PABPN1: variants seen among roughly 807,000 people sequenced by gnomAD.
PABPN1 encodes poly(A) binding protein nuclear 1.
PABPN1 carries 5 observed loss-of-function variants against 33.4 expected under a neutral mutation model. The observed-to-expected ratio is 0.15, with a 90% confidence interval of 0.08 to 0.32. The LOEUF is 0.32. Among genes scored for constraint, PABPN1 ranks in the 10% least tolerant of loss-of-function variants. The pLI, the probability that PABPN1 is intolerant of heterozygous loss-of-function variation, is 1.00. For missense variants in PABPN1, 312 were observed against 425.8 expected, an observed-to-expected ratio of 0.73 and a Z score of 2.35; for synonymous variants, 176 against 170.6, an observed-to-expected ratio of 1.03 and a Z score of -0.25.
At chr14:23,324,114 A>G (rs1566469326) in intron 5 of PABPN1, 24 bp from the exon 6 acceptor site, 2 of 1,614,192 alleles carry the variant, frequency 1.2e-6, no homozygotes, top group Non-Finnish European at 1.7e-6. Flanking sequence ...CTTTAAGGCT[A>G]TCATTTGTTC....
chr14:23,321,927 G>GGGGGGGGGGGGGGGGGGCA, intron 1 of PABPN1, 107 bp downstream of exon 1: 1 of 458,120 alleles, frequency 2.2e-6, no homozygotes, highest in Non-Finnish European at 4.0e-6. Context: ...GTTGGGCGGG[G>GGGGGGGGGGGGGGGGGGCA]AATAACGTGG....
Position 23,323,006 on chromosome 14 carries a change from G to C in PABPN1, c.474G>C (p.Pro158=). ...ATTATTTTTTCCTGATAGCTGGCCC[G>C]GTGATCATGTCCATTGAGGAGAAGA... The part of the protein sequence containing the change: ...NMSPPPGNAG[P]VIMSIEEKME... Residue 158 remains proline (P), a synonymous_variant, in exon 3 of 7, where the codon CCG becomes CCC. Coordinates refer to ENST00000216727, the MANE Select transcript of PABPN1 (RefSeq NM_004643.4). The C allele has an allele frequency of 6.2e-7, 1 of 1,614,056 alleles. No individual in the cohort carries two copies. The highest frequency in any genetic ancestry group is 8.5e-7 in the Non-Finnish European group (1 of 1,180,006).
chr14:23,324,478 T>A, intron 6 of PABPN1, 189 bp downstream of exon 6: 1 of 706,736 alleles, frequency 1.4e-6, no homozygotes, highest in Admixed American at 2.4e-5. Flanking sequence ...TCATCTTTTC[T>A]GCAGTAGAAA....
In PABPN1 at chr14:23,325,254, G is replaced by A. The variant is rs200293075; in HGVS notation, c.889G>A (p.Ala297Thr). 1 of 1,612,874 alleles carries A rather than the reference G, an allele frequency of 6.2e-7. No individual in the cohort carries two copies. The highest frequency in any genetic ancestry group is 8.5e-7 in the Non-Finnish European group (1 of 1,179,848). The change falls in exon 7 of 7, where the codon GCT becomes ACT. Residue 297 changes from alanine to threonine, a missense_variant. Coordinates refer to ENST00000216727, the MANE Select transcript of PABPN1 (RefSeq NM_004643.4). ...TCTCCTTCTTTCTTCCAGGGGCCGGGCTAGAGCGACATCATGGTATTCCCC... is the reference window on the plus strand; with the variant it reads ...TCTCCTTCTTTCTTCCAGGGGCCGGACTAGAGCGACATCATGGTATTCCCC... ...RPRGRVYRGR[A>T]RATSWYSPY
At position 23,325,577 on chromosome 14, in the gene PABPN1, G is replaced by C. The variant is rs1888690600; in HGVS notation, c.*291G>C. 2.9e-5 allele frequency: 12 copies of C among 409,004 alleles called. 1 individual carries two copies. The South Asian group carries it at 3.9e-4, about 13-fold the overall frequency. 25.3% of individuals were successfully genotyped at this position (409,004 alleles called of 1,614,324 possible). On this transcript the variant is annotated 3_prime_UTR_variant, in exon 7 of 7. Coordinates refer to ENST00000216727, the MANE Select transcript of PABPN1 (RefSeq NM_004643.4). ...CGCAAGCTGCTGCCCATGTTTCCCT[G>C]CCCCACTTCACCCCCTTGGGGGCTG...
rs182620653 is a variant in PABPN1 at position 23,324,751 on chromosome 14, C to T, written c.881+462C>T. On this transcript the variant is annotated intron_variant, in intron 6 of 6. Transcript: ENST00000216727. ...AGCCTTGTGGGAGGATTTTGAGATA[C>T]TTATTCTTTATTTGAGCCAGTCTTG... is the stretch of plus-strand genomic sequence containing the variant. 3.2e-3 allele frequency: 880 copies of T among 271,040 alleles called. 3 individuals are homozygous for T. The highest frequency in any genetic ancestry group is 9.4e-3 in the Middle Eastern group (7 of 748). 16.8% of individuals were successfully genotyped at this position (271,040 alleles called of 1,614,324 possible).
Position 23,326,105 on chromosome 14 carries a change from A to G in PABPN1, c.*819A>G, listed in dbSNP as rs1419936775. The G allele has an allele frequency of 1.3e-5, 2 of 150,188 alleles. No individual in the cohort carries two copies. The highest frequency in any genetic ancestry group is 4.9e-5 in the African/African-American group (2 of 40,594). The allele number at this position is 150,188 out of a possible 1,614,324, so 9.3% of individuals were successfully genotyped here. ...TTGTTTATTTTTTTAGCTCATTTCC[A>G]GGGGTGGGAATTTTTTTTTAATATG... On this transcript the variant is annotated 3_prime_UTR_variant, in exon 7 of 7. Transcript: ENST00000216727.
At chr14:23,324,112 C>T (rs1474880279) in intron 5 of PABPN1, 26 bp from the exon 6 acceptor site, 1 of 1,614,068 alleles carries the variant, frequency 6.2e-7, no homozygotes, top group Non-Finnish European at 8.5e-7. Context: ...GCCTTTAAGG[C>T]TATCATTTGT....
Position 23,325,361 on chromosome 14 carries a change from AAAG to A in PABPN1, c.*78_*80del. ...AAAAAAAAAGAATTAAAAAAAAAAA[AAAG>A]AAAAACAGAAGATGACCTTGATGGA... On this transcript the variant is annotated 3_prime_UTR_variant, in exon 7 of 7. Coordinates refer to ENST00000216727, the MANE Select transcript of PABPN1 (RefSeq NM_004643.4). 10 of 1,509,706 alleles carry A rather than the reference AAAG, an allele frequency of 6.6e-6. No individual in the cohort carries two copies. The highest frequency in any genetic ancestry group is 8.9e-6 in the Non-Finnish European group (10 of 1,125,922). The allele number at this position is 1,509,706 out of a possible 1,614,324, so 93.5% of individuals were successfully genotyped here.
At chr14:23,321,944 CCGGGT>C (rs1198291138) in intron 1 of PABPN1, 124 bp downstream of exon 1, 4 of 763,930 alleles carry the variant, frequency 5.2e-6, no homozygotes, top group Non-Finnish European at 8.2e-6. Context: ...GTGGCTGGGG[CCGGGT>C]CGGGCCGGGG....
At chr14:23,323,545 T>C in intron 4 of PABPN1, 62 bp downstream of exon 4, 1 of 1,460,824 alleles carries the variant, frequency 6.8e-7, no homozygotes, top group Non-Finnish European at 9.6e-7. Flanking sequence ...ATAAATTATG[T>C]TTTATATTGA....
Position 23,324,274 on chromosome 14 carries a change from G to A in PABPN1, c.866G>A (p.Arg289Gln), listed in dbSNP as rs760957465. 3 of 1,612,988 alleles carry A rather than the reference G, an allele frequency of 1.9e-6. No individual in the cohort carries two copies. Among genetic ancestry groups the A allele is most frequent in the African/African-American group, 1.3e-5 (1 of 74,906 alleles). ...TACAGTGGTTTTAACAGCAGGCCCC[G>A]GGGTCGCGTCTACAGGTCAGGATAG... ...RFYSGFNSRP[R>Q]GRVYRGRARA... is the part of the protein sequence containing the mutation. The change falls in exon 6 of 7, where the codon CGG becomes CAG. Residue 289 changes from arginine to glutamine, a missense_variant. Arg to Gln is a conservative substitution (Grantham distance 43, BLOSUM62 1). Around this residue, in one of 3 missense-constraint regions of PABPN1, gnomAD observed 68 missense variants for 71.1 expected, o/e 0.96. Coordinates refer to ENST00000216727, the MANE Select transcript of PABPN1 (RefSeq NM_004643.4).
chr14:23,322,037 G>T, intron 1 of PABPN1, 144 bp from the exon 2 acceptor site: 1 of 932,756 alleles, frequency 1.1e-6, no homozygotes, highest in Non-Finnish European at 1.7e-6. Context: ...TCTAGAGAGG[G>T]TAGCTTTTCT....
At chr14:23,322,879 C>A in intron 2 of PABPN1, 120 bp from the exon 3 acceptor site, 5 of 1,383,262 alleles carry the variant, frequency 3.6e-6, no homozygotes, top group Non-Finnish European at 5.1e-6. Context: ...GGGAACAGCA[C>A]AGACCAAAAT....
intron 2 of PABPN1, 171 bp from the exon 3 acceptor site, chr14:23,322,828 C>A: frequency 1.4e-6 from 1 of 735,434 alleles, no homozygotes; most frequent in South Asian, 1.6e-5. Context: ...TAGTGAGTAC[C>A]TGCTATGCAC....
chr14:23,325,754 C>T lies in PABPN1; in HGVS notation c.*468C>T, dbSNP rs1363560730. ...CCTGCTCCTGTCCAGCCAGGTCTAC[C>T]ACCCACCCCACCCCTCTTCTCCGGC... On this transcript the variant is annotated 3_prime_UTR_variant, in exon 7 of 7. Transcript: ENST00000216727. 4.4e-5 allele frequency: 7 copies of T among 157,958 alleles called. No homozygotes were observed. The highest frequency in any genetic ancestry group is 1.7e-4 in the African/African-American group (7 of 41,482). The allele number at this position is 157,958 out of a possible 1,614,324, so 9.8% of individuals were successfully genotyped here. A position where few individuals can be genotyped will look rare whatever the true frequency, so the allele number is the denominator to read the frequency against.
intron 6 of PABPN1, 42 bp from the exon 7 acceptor site, chr14:23,325,205 C>G (rs1237237867): frequency 2.5e-6 from 4 of 1,613,412 alleles, no homozygotes; most frequent in Non-Finnish European, 3.4e-6. Flanking sequence ...ACTGAACTAT[C>G]TAGTGATCAC....
intron 1 of PABPN1, 37 bp from the exon 2 acceptor site, chr14:23,322,144 C>T (rs1888351131): frequency 5.1e-6 from 8 of 1,572,574 alleles, no homozygotes; most frequent in African/African-American, 1.4e-5. Context: ...GTTGGTTCCT[C>T]TTAAGCTGTC....
intron 1 of PABPN1, 35 bp downstream of exon 1, chr14:23,321,855 C>G (rs1200361148): frequency 7.7e-7 from 1 of 1,297,716 alleles, no homozygotes; most frequent in East Asian, 3.4e-5. Flanking sequence ...AGGCCGGCGG[C>G]TGGCCGGCCG....
Sources: allele counts gnomAD v4.1 joint callset, GRCh38; gene constraint gnomAD v4.1.1; regional missense constraint gnomAD v4.1.1; transcripts MANE v1.5; gene names NCBI Gene and HGNC (gene_info 2026-07-23, HGNC 2026-07-21).